DMD: variants seen among roughly 807,000 people sequenced by gnomAD.
DMD encodes dystrophin, also known as mutant dystrophin.
A neutral mutation model predicts 330.1 loss-of-function variants in DMD; 63 were observed. That is an observed-to-expected ratio of 0.19 (90% CI 0.16 to 0.24). The LOEUF is 0.24. Ranked by LOEUF, DMD falls within the 10% of genes least tolerant of loss-of-function variation. The pLI is 1.00. For synonymous variants in DMD, 1,223 were observed against 959.8 expected, an observed-to-expected ratio of 1.27 and a Z score of -5.07; for missense variants, 3,344 against 2,684.1, an observed-to-expected ratio of 1.25 and a Z score of -5.43.
chrX:32,464,945 T>C (rs1377376009), intron 23 of DMD, among the ~76,000 whole-genome samples: 1 of 112,088 alleles, frequency 8.9e-6, no homozygotes, highest in Non-Finnish European at 1.9e-5. Flanking sequence ...GGTTTTATGA[T>C]GTTACTCTCG....
Position 32,616,672 on chromosome X carries a change from T to C in DMD, c.1332-2219A>G, listed in dbSNP as rs191623445. 4.9e-3 allele frequency among the ~76,000 whole-genome samples: 500 copies of C among 101,537 alleles called. 1 individual carries two copies. Among genetic ancestry groups the C allele is most frequent in the South Asian group, 0.011 (23 of 2,116 alleles). 88.2% of individuals were successfully genotyped at this position (101,537 alleles called of 115,157 possible). A position where few individuals can be genotyped will look rare whatever the true frequency, so the allele number is the denominator to read the frequency against. ...TCCTAGTGTTAGAATCAGCTGTTTC[T>C]CCACAGTGTTCTGGTTCCTTTTTTT... On this transcript the variant is annotated intron_variant, in intron 11 of 78. Transcript: ENST00000357033.
intron 44 of DMD, among the ~76,000 whole-genome samples, chrX:32,180,527 T>C (rs2096923658): frequency 9.0e-6 from 1 of 111,612 alleles, no homozygotes; most frequent in African/African-American, 3.3e-5. Context: ...CAGAATGAGT[T>C]GGGACCTTCC....
chrX:32,753,179 T>A lies in DMD; in HGVS notation c.650-53886A>T, dbSNP rs144244226. Among the ~76,000 whole-genome samples the A allele has an allele frequency of 3.4e-3, 381 of 111,605 alleles. 5 individuals are homozygous for A. The highest frequency in any genetic ancestry group is 0.027 in the Admixed American group (279 of 10,472). ...CCTTCAAAAAGACTTCATTTCTTATTCCTCCAGATACAGATTCCCTGATTT... is the reference window on the plus strand; with the variant it reads ...CCTTCAAAAAGACTTCATTTCTTATACCTCCAGATACAGATTCCCTGATTT... On this transcript the variant is annotated intron_variant, in intron 7 of 78. Coordinates refer to ENST00000357033, the MANE Select transcript of DMD (RefSeq NM_004006.3).
chrX:31,411,198 A>C (rs966460990), intron 60 of DMD, among the ~76,000 whole-genome samples: 1 of 111,309 alleles, frequency 9.0e-6, no homozygotes, highest in Admixed American at 9.6e-5. Flanking sequence ...GATTGTTCAC[A>C]TCCCTGTAGT....
At chrX:32,717,348 C>G (rs2065836043) in intron 7 of DMD, among the ~76,000 whole-genome samples, 1 of 111,300 alleles carries the variant, frequency 9.0e-6, no homozygotes, top group Admixed American at 9.5e-5. Flanking sequence ...CCAGCTGTTA[C>G]TAAAAAGGCC....
At chrX:31,776,044 G>A (rs2090637066) in intron 50 of DMD, among the ~76,000 whole-genome samples, 2 of 112,122 alleles carry the variant, frequency 1.8e-5, no homozygotes, top group Admixed American at 1.9e-4. Context: ...TAAATGTAAT[G>A]TAAAGAAGAA....
At chrX:31,231,201 T>C (rs2047163874) in intron 63 of DMD, among the ~76,000 whole-genome samples, 1 of 111,106 alleles carries the variant, frequency 9.0e-6, no homozygotes, top group Non-Finnish European at 1.9e-5. Context: ...AAATGTCTTC[T>C]AAAAAGCTAC....
At chrX:33,062,274 T>C (rs1267423136) in intron 1 of DMD, among the ~76,000 whole-genome samples, 1 of 111,546 alleles carries the variant, frequency 9.0e-6, no homozygotes, top group East Asian at 2.8e-4. Context: ...TCTTTGGCAA[T>C]AGGATTCAAA....
intron 63 of DMD, among the ~76,000 whole-genome samples, chrX:31,223,685 G>A (rs1357878572): frequency 8.9e-6 from 1 of 111,934 alleles, no homozygotes; most frequent in Admixed American, 9.4e-5. Flanking sequence ...GCTCATGCCT[G>A]TAATCCCAAC....
At chrX:31,362,542 A>G (rs1412872969) in intron 60 of DMD, among the ~76,000 whole-genome samples, 2 of 113,002 alleles carry the variant, frequency 1.8e-5, no homozygotes, top group Non-Finnish European at 3.7e-5. Context: ...AAAATAAAAA[A>G]TCCAAAACAC....
At chrX:31,724,855 G>C (rs1048141997) in intron 52 of DMD, among the ~76,000 whole-genome samples, 1 of 112,128 alleles carries the variant, frequency 8.9e-6, no homozygotes, top group African/African-American at 3.2e-5. Flanking sequence ...GTTTAGGAAA[G>C]AGAATTAACT....
chrX:32,933,999 C>A lies in DMD; in HGVS notation c.94-84179G>T, dbSNP rs762553770. Among the ~76,000 whole-genome samples, 4 of 111,218 alleles carry A rather than the reference C, an allele frequency of 3.6e-5. No individual in the cohort carries two copies. In the South Asian group the frequency reaches 1.5e-3, roughly 42 times the overall value. ...CTGCTTCAGTGGAATGTCGTTGTGA[C>A]CAATTTTGTTGCTACTAAAATACTT... is the stretch of plus-strand genomic sequence containing the variant. On this transcript the variant is annotated intron_variant, in intron 2 of 78. Coordinates refer to ENST00000357033, the MANE Select transcript of DMD (RefSeq NM_004006.3).
At position 31,929,677 on chromosome X, in the gene DMD, C is replaced by T. The variant is rs1383802449; in HGVS notation, c.6831G>A (p.Val2277=). 2.1e-5 allele frequency: 25 copies of T among 1,211,349 alleles called. No homozygotes were observed. The highest frequency in any genetic ancestry group is 2.6e-5 in the Non-Finnish European group (23 of 895,295). The change falls in exon 47 of 79, where the codon GTG becomes GTA. Residue 2277 remains valine (V), a synonymous_variant. Coordinates refer to ENST00000357033, the MANE Select transcript of DMD (RefSeq NM_004006.3). ...CTGGGCTTATGGGAGCACTTACAAG[C>T]ACGGGTCCTCCAGTTTCATTTAATT... ...LKQLNETGGP[V]LVSAPISPEE...
intron 62 of DMD, among the ~76,000 whole-genome samples, chrX:31,294,406 T>C (rs2054008308): frequency 8.9e-6 from 1 of 112,302 alleles, no homozygotes; most frequent in African/African-American, 3.2e-5. Flanking sequence ...TACCTGAATA[T>C]ATCCTCTACC....
At chrX:32,084,799 T>C (rs936338763) in intron 44 of DMD, among the ~76,000 whole-genome samples, 4 of 111,172 alleles carry the variant, frequency 3.6e-5, no homozygotes, top group Middle Eastern at 4.2e-3. Flanking sequence ...CTGAGAGCAA[T>C]TGAGATCCTC....
intron 37 of DMD, among the ~76,000 whole-genome samples, chrX:32,351,984 G>A (rs1015587428): frequency 9.0e-6 from 1 of 110,695 alleles, no homozygotes; most frequent in East Asian, 2.8e-4. Flanking sequence ...AAAGACTACC[G>A]TGCATTTTGT....
chrX:32,162,941 C>T (rs1386053220), intron 44 of DMD, among the ~76,000 whole-genome samples: 2 of 110,898 alleles, frequency 1.8e-5, no homozygotes, highest in Non-Finnish European at 3.8e-5. Context: ...TACCTCCACA[C>T]AGATGACTCT....
intron 51 of DMD, among the ~76,000 whole-genome samples, chrX:31,733,731 C>T (rs1336782525): frequency 9.0e-6 from 1 of 111,705 alleles, no homozygotes; most frequent in East Asian, 2.8e-4. Flanking sequence ...ATCTAGCTTT[C>T]AACCATCTCA....
intron 7 of DMD, among the ~76,000 whole-genome samples, chrX:32,770,575 G>A (rs1338760997): frequency 2.7e-5 from 3 of 111,033 alleles, no homozygotes; most frequent in Non-Finnish European, 3.8e-5. Context: ...TAAATATGTC[G>A]ATTACTTTAT....
Sources: allele counts gnomAD v4.1 joint callset (sites outside exome capture counted in the v4.1 genomes callset), GRCh38; gene constraint gnomAD v4.1.1; transcripts MANE v1.5; gene names NCBI Gene and HGNC (gene_info 2026-07-23, HGNC 2026-07-21).